The following TGM4 variants were observed in gnomAD, a reference collection of about 807,000 sequenced individuals.
The protein encoded by TGM4 is transglutaminase 4.
TGM4 carries 61 observed loss-of-function variants against 76.3 expected under a neutral mutation model. The observed-to-expected ratio is 0.80, with a 90% confidence interval of 0.65 to 0.99. The LOEUF (loss-of-function observed/expected upper bound fraction) is 0.99, where lower values mean the gene tolerates loss of function less well. Ranked by LOEUF, TGM4 falls within the 50% of genes least tolerant of loss-of-function variation. The pLI is 0.00. For synonymous variants in TGM4, 337 were observed against 329.8 expected, an observed-to-expected ratio of 1.02 and a Z score of -0.24; for missense variants, 794 against 843.2, an observed-to-expected ratio of 0.94 and a Z score of 0.72.
chr3:44,909,057 C>G (rs1699965021), intron 10 of TGM4, among the ~76,000 whole-genome samples: 1 of 152,200 alleles, frequency 6.6e-6, no homozygotes. Flanking sequence ...TTGTCCATGA[C>G]CACTGAATTC....
intron 9 of TGM4, among the ~76,000 whole-genome samples, chr3:44,906,402 T>C (rs915935548): frequency 6.6e-6 from 1 of 151,982 alleles, no homozygotes; most frequent in African/African-American, 2.4e-5. Context: ...AAATGAAAAA[T>C]AAATAAATAA....
At chr3:44,905,368 T>C in intron 9 of TGM4, among the ~76,000 whole-genome samples, 1 of 152,060 alleles carries the variant, frequency 6.6e-6, no homozygotes, top group South Asian at 2.1e-4. Context: ...AAAGCAGAAC[T>C]ACTCCAGCTG....
In TGM4 at chr3:44,901,512, C is replaced by CGT. The variant is rs1699852182; in HGVS notation, c.658-6_658-5dup. 5.0e-6 allele frequency: 8 copies of CGT among 1,596,828 alleles called. No homozygotes were observed. The highest frequency in any genetic ancestry group is 6.8e-6 in the Non-Finnish European group (8 of 1,168,274). On this transcript the variant is annotated splice_polypyrimidine_tract_variant and intron_variant, in intron 6 of 13. Coordinates refer to ENST00000296125, the MANE Select transcript of TGM4 (RefSeq NM_003241.4). ...GGGGCGGACACTGACCCCACCCCTACGTGTGTGGCAGATGAGCTTTGAGAA... is the reference window on the plus strand; with the variant it reads ...GGGGCGGACACTGACCCCACCCCTACGTGTGTGTGGCAGATGAGCTTTGAGAA...
chr3:44,913,995 C>T lies in TGM4; in HGVS notation c.*270C>T. The T allele has an allele frequency of 2.7e-6, 1 of 374,436 alleles. No homozygotes were observed. Among genetic ancestry groups the T allele is most frequent in the Non-Finnish European group, 4.8e-6 (1 of 209,186 alleles). The allele number at this position is 374,436 out of a possible 1,614,324, so 23.2% of individuals were successfully genotyped here. On this transcript the variant is annotated 3_prime_UTR_variant, in exon 14 of 14. Coordinates refer to ENST00000296125, the MANE Select transcript of TGM4 (RefSeq NM_003241.4). ...GAGTCATGGCCTCAAAAATCAGGGC[C>T]ACCATTGTCTCAATTCAAATCCATA...
At chr3:44,898,309 G>C (rs544399636) in intron 6 of TGM4, among the ~76,000 whole-genome samples, 1 of 151,712 alleles carries the variant, frequency 6.6e-6, no homozygotes, top group Non-Finnish European at 1.5e-5. Context: ...GAAGCGGGGC[G>C]GGGGCAGGAA....
intron 1 of TGM4, among the ~76,000 whole-genome samples, chr3:44,884,778 A>C (rs1699578447): frequency 6.6e-6 from 1 of 152,224 alleles, no homozygotes; most frequent in Admixed American, 6.5e-5. Context: ...CTCTCACCTC[A>C]GGATGGTGTC....
intron 9 of TGM4, among the ~76,000 whole-genome samples, chr3:44,904,563 C>T (rs1404048789): frequency 6.6e-6 from 1 of 152,186 alleles, no homozygotes; most frequent in Non-Finnish European, 1.5e-5. Context: ...TCTGAGGTTA[C>T]TTGGAAAATC....
intron 6 of TGM4, among the ~76,000 whole-genome samples, chr3:44,900,590 AC>A (rs1699839586): frequency 1.3e-5 from 2 of 152,182 alleles, no homozygotes; most frequent in African/African-American, 2.4e-5. Flanking sequence ...AGGCACTGTA[AC>A]TGTGCTTTTC....
Position 44,907,153 on chromosome 3 carries a change from G to C in TGM4, c.1280G>C (p.Gly427Ala). Residue 427 changes from glycine (G) to alanine (A), a missense_variant, in exon 10 of 14, where the codon GGC becomes GCC. Gly to Ala is a moderately conservative substitution (Grantham distance 60). Transcript: ENST00000296125. ...AAAAACATCAGCACCAAGGCAGTGG[G>C]CCAAGACAGGCGGAGAGATATCACC... is the stretch of plus-strand genomic sequence containing the variant. ...IGKNISTKAV[G>A]QDRRRDITYE... is the part of the protein sequence containing the mutation. The C allele has an allele frequency of 6.2e-7, 1 of 1,614,032 alleles. No homozygotes were observed. The highest frequency in any genetic ancestry group is 8.5e-7 in the Non-Finnish European group (1 of 1,180,002).
chr3:44,890,605 C>A lies in TGM4; in HGVS notation c.303C>A (p.Val101=). ...ACCTTATCTTATGGTTTGCTCAGGT[C>A]ACAGTGGCTGTCACCAGTTCCCCCA... The part of the protein sequence containing the change: ...ATLQNESGKE[V]TVAVTSSPNA... The change falls in exon 4 of 14, where the codon GTC becomes GTA. Residue 101 remains valine, a splice_region_variant and synonymous_variant. Coordinates refer to ENST00000296125, the MANE Select transcript of TGM4 (RefSeq NM_003241.4). 6.2e-7 allele frequency: 1 copy of A among 1,613,912 alleles called. No individual in the cohort carries two copies. The highest frequency in any genetic ancestry group is 1.1e-5 in the South Asian group (1 of 91,042).
intron 3 of TGM4, chr3:44,888,144 T>C (rs750303138): frequency 7.9e-5 from 20 of 253,040 alleles, no homozygotes; most frequent in Admixed American, 2.0e-4. Context: ...TTCTGTGTCA[T>C]GGTCAAATAC....
At chr3:44,890,508 G>T (rs1473391743) in intron 3 of TGM4, 95 bp from the exon 4 acceptor site, 2 of 1,530,398 alleles carry the variant, frequency 1.3e-6, no homozygotes, top group Non-Finnish European at 1.8e-6. Flanking sequence ...GATGGGATGA[G>T]TTGTTAGGAC....
chr3:44,908,703 C>G (rs567002998), intron 10 of TGM4, among the ~76,000 whole-genome samples: 3 of 152,172 alleles, frequency 2.0e-5, no homozygotes, highest in African/African-American at 7.2e-5. Context: ...TCGATATTCT[C>G]TATTTGGCAA....
intron 1 of TGM4, among the ~76,000 whole-genome samples, chr3:44,883,568 C>A (rs1011441578): frequency 1.3e-5 from 2 of 152,198 alleles, no homozygotes; most frequent in Non-Finnish European, 2.9e-5. Context: ...TCCAGCTAGC[C>A]ATCGGCCCAC....
intron 13 of TGM4, among the ~76,000 whole-genome samples, chr3:44,911,899 C>CTCA (rs1461506133): frequency 6.6e-6 from 1 of 152,214 alleles, no homozygotes; most frequent in East Asian, 1.9e-4. Context: ...ACGATCTTGG[C>CTCA]TCACTGCAAT....
intron 12 of TGM4, 39 bp downstream of exon 12, chr3:44,911,166 G>A (rs1290385010): frequency 6.2e-7 from 1 of 1,610,946 alleles, no homozygotes; most frequent in Non-Finnish European, 8.5e-7. Context: ...CCTTCTGCCT[G>A]GAAGTTGGCC....
intron 1 of TGM4, among the ~76,000 whole-genome samples, chr3:44,875,639 A>C (rs76260952): frequency 0.02 from 2,973 of 152,164 alleles, 51 homozygotes; most frequent in Middle Eastern, 0.065. Context: ...TCCCCAGCCC[A>C]CAAGCCCTCT....
chr3:44,901,508 C>T lies in TGM4; in HGVS notation c.658-16C>T. On this transcript the variant is annotated splice_polypyrimidine_tract_variant and intron_variant, in intron 6 of 13. Coordinates refer to ENST00000296125, the MANE Select transcript of TGM4 (RefSeq NM_003241.4). ...CTGAGGGGCGGACACTGACCCCACC[C>T]CTACGTGTGTGGCAGATGAGCTTTG... The T allele has an allele frequency of 6.3e-7, 1 of 1,594,514 alleles. No homozygotes were observed. Among genetic ancestry groups the T allele is most frequent in the Non-Finnish European group, 8.6e-7 (1 of 1,167,088 alleles).
intron 1 of TGM4, among the ~76,000 whole-genome samples, chr3:44,883,800 C>T (rs538773869): frequency 1.2e-4 from 18 of 152,244 alleles, no homozygotes; most frequent in Non-Finnish European, 2.4e-4. Flanking sequence ...TCACTGGCCG[C>T]ATCCCCAAGG....
Sources: allele counts gnomAD v4.1 joint callset (sites outside exome capture counted in the v4.1 genomes callset), GRCh38; gene constraint gnomAD v4.1.1; transcripts MANE v1.5; gene names NCBI Gene and HGNC (gene_info 2026-07-23, HGNC 2026-07-21).